The following RNF222 variants were observed in gnomAD, a reference collection of about 807,000 sequenced individuals.
RNF222 encodes RING finger protein LOC643904.
Under a neutral mutation model 10.8 loss-of-function variants are expected in RNF222, and 14 were observed. The ratio of observed to expected loss-of-function variants is 1.30; its 90% CI spans 0.86 to 2.03. RNF222 has a LOEUF of 2.03. Among genes scored for constraint, RNF222 ranks in the 30% most tolerant of loss-of-function variants. RNF222 has a pLI of 0.00. For missense variants in RNF222, 298 were observed against 295.8 expected (o/e 1.01, Z -0.06); for synonymous variants, 141 against 142.5 (o/e 0.99, Z 0.07).
Position 8,392,754 on chromosome 17 carries a change from C to A in RNF222, c.*45G>T. Reference sequence around the variant, plus strand: ...CCAGGGCTGCCGTGGGCCTCCTGTCCCACCCCAGGCCACGGCTAGCCCGGC... The same window carrying A: ...CCAGGGCTGCCGTGGGCCTCCTGTCACACCCCAGGCCACGGCTAGCCCGGC... On this transcript the variant is annotated 3_prime_UTR_variant, in exon 3 of 3. Coordinates refer to ENST00000399398, the MANE Select transcript of RNF222 (RefSeq NM_001146684.3). This position sits in a 1 kb window ranked among gnomAD's most constrained non-coding sequence, Gnocchi z 4.3. 6.6e-7 allele frequency: 1 copy of A among 1,523,150 alleles called. No homozygotes were observed. Among genetic ancestry groups the A allele is most frequent in the African/African-American group, 1.4e-5 (1 of 72,356 alleles). 94.4% of individuals were successfully genotyped at this position (1,523,150 alleles called of 1,614,324 possible). A position where few individuals can be genotyped will look rare whatever the true frequency, so the allele number is the denominator to read the frequency against.
In RNF222 at chr17:8,393,229, G is replaced by A. The variant is rs1210897308; in HGVS notation, c.233C>T (p.Pro78Leu). Residue 78 changes from proline to leucine, a missense_variant, in exon 3 of 3, where the codon CCC becomes CTC. Coordinates refer to ENST00000399398, the MANE Select transcript of RNF222 (RefSeq NM_001146684.3). ...CTGGGAGCTCTTGTCCAGCATGGAG[G>A]GCCAGCGGGAGCTCTTCTTGCTGAG... ...TFLSKKSSRW[P>L]SMLDKSSQTL... The A allele has an allele frequency of 6.4e-7, 1 of 1,551,012 alleles. No individual in the cohort carries two copies. Among genetic ancestry groups the A allele is most frequent in the Non-Finnish European group, 8.7e-7 (1 of 1,146,978 alleles).
At chr17:8,393,576 C>T in intron 2 of RNF222, 90 bp from the exon 3 acceptor site, 2 of 1,430,492 alleles carry the variant, frequency 1.4e-6, no homozygotes, top group Non-Finnish European at 9.2e-7. Context: ...TCCACTGCCC[C>T]TTATCCCCTC....
chr17:8,393,174 G>T lies in RNF222; in HGVS notation c.288C>A (p.Ser96=). 1.3e-6 allele frequency: 2 copies of T among 1,550,278 alleles called. No individual in the cohort carries two copies. Among genetic ancestry groups the T allele is most frequent in the Non-Finnish European group, 1.7e-6 (2 of 1,146,850 alleles). Residue 96 remains serine, a synonymous_variant, in exon 3 of 3, where the codon TCC becomes TCA. Transcript: ENST00000399398. ...GGCCCAGGCTGTCCAGTGGGGGCAC[G>T]GAGGGCAGGCCCACGGGCACAGCCA... ...QTLAVPVGLP[S]VPPLDSLGHT... is the part of the protein sequence containing the mutation.
chr17:8,397,230 G>C (rs1412580386), intron 1 of RNF222, among the ~76,000 whole-genome samples: 1 of 152,170 alleles, frequency 6.6e-6, no homozygotes, highest in Non-Finnish European at 1.5e-5. Context: ...TGTTAGAAAA[G>C]TGACTACCCA....
chr17:8,397,581 C>T (rs1465459643), intron 1 of RNF222, 114 bp downstream of exon 1: 2 of 152,496 alleles, frequency 1.3e-5, no homozygotes, highest in African/African-American at 2.4e-5. Context: ...CTCTCTCTCT[C>T]TCAATTTCTC....
intron 1 of RNF222, 61 bp from the exon 2 acceptor site, chr17:8,394,390 A>AG (rs969218379): frequency 2.0e-5 from 3 of 152,052 alleles, no homozygotes; most frequent in Non-Finnish European, 4.4e-5. Flanking sequence ...AAAGCTATGG[A>AG]GTAGCAAGAT....
At chr17:8,395,055 C>G (rs555721120) in intron 1 of RNF222, among the ~76,000 whole-genome samples, 15 of 152,208 alleles carry the variant, frequency 9.9e-5, no homozygotes, top group Non-Finnish European at 1.9e-4. Flanking sequence ...GGAACAAAAT[C>G]AATGTGTAGG....
chr17:8,391,727 C>T lies in RNF222; in HGVS notation c.*1072G>A, dbSNP rs974877010. On this transcript the variant is annotated 3_prime_UTR_variant, in exon 3 of 3. Transcript: ENST00000399398. ...CTCTTCACAGTCCAACGTGGGGGCC[C>T]CAGGCAAAGAGACCTTGAGGAGCAG... 6 of 152,252 alleles carry T rather than the reference C, an allele frequency of 3.9e-5. No homozygotes were observed. Among genetic ancestry groups the T allele is most frequent in the Non-Finnish European group, 8.8e-5 (6 of 68,080 alleles). 9.4% of individuals were successfully genotyped at this position (152,252 alleles called of 1,614,324 possible).
rs529388909 is a variant in RNF222 at position 8,391,982 on chromosome 17, A to G, written c.*817T>C. The G allele has an allele frequency of 6.6e-6, 1 of 152,142 alleles. No individual in the cohort carries two copies. Among genetic ancestry groups the G allele is most frequent in the African/African-American group, 2.4e-5 (1 of 41,454 alleles). The allele number at this position is 152,142 out of a possible 1,614,324, so 9.4% of individuals were successfully genotyped here. On this transcript the variant is annotated 3_prime_UTR_variant, in exon 3 of 3. Transcript: ENST00000399398. Reference sequence around the variant, plus strand: ...CGTTTGCCCACATAGTTCTCAGCTGACTCAAGGCTCGCCTGTCAGGCTTCC... The same window carrying G: ...CGTTTGCCCACATAGTTCTCAGCTGGCTCAAGGCTCGCCTGTCAGGCTTCC...
chr17:8,390,806 A>G lies in RNF222; in HGVS notation c.*1993T>C, dbSNP rs1381593850. The G allele has an allele frequency of 2.6e-5, 4 of 152,224 alleles. No individual in the cohort carries two copies. Among genetic ancestry groups the G allele is most frequent in the Non-Finnish European group, 1.5e-5 (1 of 68,050 alleles). 9.4% of individuals were successfully genotyped at this position (152,224 alleles called of 1,614,324 possible). Reference sequence around the variant, plus strand: ...CACCATTGAACATACAAAAACACTGAGAGTATGTTGAAAGAAACTTTTGGC... The same window carrying G: ...CACCATTGAACATACAAAAACACTGGGAGTATGTTGAAAGAAACTTTTGGC... On this transcript the variant is annotated 3_prime_UTR_variant, in exon 3 of 3. Transcript: ENST00000399398.
intron 2 of RNF222, 78 bp from the exon 3 acceptor site, chr17:8,393,564 C>T (rs1214184162): frequency 1.4e-6 from 2 of 1,452,658 alleles, no homozygotes; most frequent in African/African-American, 1.4e-5. Context: ...TACACCTCTG[C>T]CTCCACTGCC....
chr17:8,393,054 G>C lies in RNF222; in HGVS notation c.408C>G (p.Pro136=). The C allele has an allele frequency of 6.7e-7, 1 of 1,497,288 alleles. No individual in the cohort carries two copies. Among genetic ancestry groups the C allele is most frequent in the African/African-American group, 1.4e-5 (1 of 72,046 alleles). The allele number at this position is 1,497,288 out of a possible 1,614,324, so 92.8% of individuals were successfully genotyped here. The change falls in exon 3 of 3, where the codon CCC becomes CCG. Residue 136 remains proline (P), a synonymous_variant. Transcript: ENST00000399398. ...GGGGCAGGCTGGGCAGCAGGTCCAGGGGGAGCTGGGCGCTCTGGCCCGGGC... is the reference window on the plus strand; with the variant it reads ...GGGGCAGGCTGGGCAGCAGGTCCAGCGGGAGCTGGGCGCTCTGGCCCGGGC... ...PGSPGQSAQL[P]LDLLPSLPRE...
rs1489928797 is a variant in RNF222 at position 8,392,748 on chromosome 17, C to T, written c.*51G>A. ...GTGGCACCAGGGCTGCCGTGGGCCTCCTGTCCCACCCCAGGCCACGGCTAG... is the reference window on the plus strand; with the variant it reads ...GTGGCACCAGGGCTGCCGTGGGCCTTCTGTCCCACCCCAGGCCACGGCTAG... On this transcript the variant is annotated 3_prime_UTR_variant, in exon 3 of 3. Transcript: ENST00000399398. This position sits in a 1 kb window ranked among gnomAD's most constrained non-coding sequence, Gnocchi z 4.3. 14 of 1,518,042 alleles carry T rather than the reference C, an allele frequency of 9.2e-6. No individual in the cohort carries two copies. In the Admixed American group the frequency reaches 1.0e-4, roughly 11 times the overall value. The allele number at this position is 1,518,042 out of a possible 1,614,324, so 94.0% of individuals were successfully genotyped here.
intron 1 of RNF222, among the ~76,000 whole-genome samples, chr17:8,397,367 C>T (rs1454632244): frequency 6.6e-6 from 1 of 152,078 alleles, no homozygotes; most frequent in Admixed American, 6.5e-5. Context: ...TACTGAGCCT[C>T]CCCCACAGCA....
rs752923293 is a variant in RNF222, at chr17:8,393,263, C to T, written c.199G>A (p.Val67Ile). The T allele has an allele frequency of 1.9e-4, 287 of 1,551,222 alleles. No individual in the cohort carries two copies. Among genetic ancestry groups the T allele is most frequent in the Non-Finnish European group, 2.3e-4 (259 of 1,146,986 alleles). Reference sequence around the variant, plus strand: ...GAGCTCTTCTTGCTGAGGAATGTGACGTAGCGGCAGATGGGGCAGACCAGG... The same window carrying T: ...GAGCTCTTCTTGCTGAGGAATGTGATGTAGCGGCAGATGGGGCAGACCAGG... ...RTLVCPICRY[V>I]TFLSKKSSRW... The change falls in exon 3 of 3, where the codon GTC (valine) becomes ATC (isoleucine). Residue 67 changes from valine (V) to isoleucine (I), a missense_variant. Physicochemically the swap from Val to Ile is conservative, Grantham distance 29 (BLOSUM62 3). Transcript: ENST00000399398.
At chr17:8,397,427 G>A (rs1374684696) in intron 1 of RNF222, among the ~76,000 whole-genome samples, 2 of 151,980 alleles carry the variant, frequency 1.3e-5, no homozygotes, top group African/African-American at 4.8e-5. Context: ...CCACCCCAGA[G>A]AAAACACCCC....
chr17:8,395,921 C>A (rs1302585302), intron 1 of RNF222, among the ~76,000 whole-genome samples: 3 of 152,174 alleles, frequency 2.0e-5, no homozygotes, highest in African/African-American at 7.2e-5. Flanking sequence ...TCCATCCATC[C>A]ATCTGTCTAA....
rs1459610928 is a variant in RNF222, at chr17:8,397,743, A to C, written c.-226T>G. 6.6e-6 allele frequency: 1 copy of C among 152,414 alleles called. No homozygotes were observed. The highest frequency in any genetic ancestry group is 1.5e-5 in the Non-Finnish European group (1 of 68,342). The allele number at this position is 152,414 out of a possible 1,614,324, so 9.4% of individuals were successfully genotyped here. ...CCTCCTGGGGCCTCCAGCAGATCTG[A>C]GCCACCCCGAGGTGCTGAGCAGCAG... On this transcript the variant is annotated 5_prime_UTR_variant, in exon 1 of 3. Coordinates refer to ENST00000399398, the MANE Select transcript of RNF222 (RefSeq NM_001146684.3).
At chr17:8,396,688 G>A (rs1027342275) in intron 1 of RNF222, among the ~76,000 whole-genome samples, 3 of 152,060 alleles carry the variant, frequency 2.0e-5, no homozygotes, top group South Asian at 2.1e-4. Context: ...GAGCCACGCC[G>A]TCAACACCTG....
Sources: allele counts gnomAD v4.1 joint callset (sites outside exome capture counted in the v4.1 genomes callset), GRCh38; gene constraint gnomAD v4.1.1; non-coding constraint Gnocchi (gnomAD v3.1); transcripts MANE v1.5; gene names NCBI Gene and HGNC (gene_info 2026-07-23, HGNC 2026-07-21).